Variants in FAM162B observed in about 807,000 individuals in gnomAD.
The protein encoded by FAM162B is family with sequence similarity 162 member B.
Under a neutral mutation model 20.0 loss-of-function variants are expected in FAM162B, and 16 were observed. That is an observed-to-expected ratio of 0.80 (90% confidence interval 0.54 to 1.21). The LOEUF (loss-of-function observed/expected upper bound fraction) is 1.21. FAM162B is among the 50% of genes most tolerant of loss of function. The probability of loss-of-function intolerance (pLI) is 0.00; values close to 1 mark genes in which losing one functional copy is unlikely to be tolerated. For synonymous variants in FAM162B, 83 were observed against 89.7 expected (o/e 0.93, Z 0.42); for missense variants, 260 against 227.5 (o/e 1.14, Z -0.92).
At chr6:116,755,721 A>G (rs1780044090) in intron 3 of FAM162B, among the ~76,000 whole-genome samples, 1 of 152,160 alleles carries the variant, frequency 6.6e-6, no homozygotes, top group Non-Finnish European at 1.5e-5. Flanking sequence ...GTTAGGAGCT[A>G]TTGGCAGCTG....
chr6:116,761,442 T>C (rs1317610880), intron 3 of FAM162B, among the ~76,000 whole-genome samples: 1 of 151,964 alleles, frequency 6.6e-6, no homozygotes, highest in Non-Finnish European at 1.5e-5. Flanking sequence ...TAATGAATGA[T>C]CTAGTCTGGA....
intron 3 of FAM162B, among the ~76,000 whole-genome samples, chr6:116,758,768 T>C (rs1206319717): frequency 6.6e-6 from 1 of 152,168 alleles, no homozygotes; most frequent in Non-Finnish European, 1.5e-5. Context: ...AATGTCCCAA[T>C]ATCATTTCTT....
rs1330885206 is a variant in FAM162B at position 116,752,521 on chromosome 6, T to C, written c.*76A>G. 1 of 650,714 alleles carries C rather than the reference T, an allele frequency of 1.5e-6. No individual in the cohort carries two copies. The highest frequency in any genetic ancestry group is 1.9e-5 in the African/African-American group (1 of 52,462). The allele number at this position is 650,714 out of a possible 1,614,324, so 40.3% of individuals were successfully genotyped here. ...AAACCATGGCAGATATTTTGGTAAATATTCTATTTTTCCCATCTTCTACTG... is the reference window on the plus strand; with the variant it reads ...AAACCATGGCAGATATTTTGGTAAACATTCTATTTTTCCCATCTTCTACTG... On this transcript the variant is annotated 3_prime_UTR_variant, in exon 4 of 4. Coordinates refer to ENST00000368557, the MANE Select transcript of FAM162B (RefSeq NM_001085480.3).
chr6:116,759,684 T>G (rs1018832323), intron 3 of FAM162B, among the ~76,000 whole-genome samples: 1 of 152,200 alleles, frequency 6.6e-6, no homozygotes, highest in African/African-American at 2.4e-5. Flanking sequence ...TGCTTAAAAC[T>G]CTACACTGGA....
chr6:116,761,116 G>A (rs1780135665), intron 3 of FAM162B, among the ~76,000 whole-genome samples: 1 of 152,172 alleles, frequency 6.6e-6, no homozygotes, highest in Admixed American at 6.5e-5. Context: ...GAAGGAAGTT[G>A]TTAGAGTGGT....
chr6:116,763,254 T>C (rs1771833892), intron 2 of FAM162B, among the ~76,000 whole-genome samples: 1 of 152,158 alleles, frequency 6.6e-6, no homozygotes, highest in Admixed American at 6.5e-5. Flanking sequence ...CCATTTGGCT[T>C]TAATCTATTA....
chr6:116,759,098 A>G (rs999153807), intron 3 of FAM162B, among the ~76,000 whole-genome samples: 1 of 152,126 alleles, frequency 6.6e-6, no homozygotes, highest in African/African-American at 2.4e-5. Flanking sequence ...ATAGACTTAG[A>G]GAAGTTCGCT....
Position 116,752,954 on chromosome 6 carries a change from A to G in FAM162B, c.391-259T>C, listed in dbSNP as rs188005081. On this transcript the variant is annotated intron_variant, in intron 3 of 3. Coordinates refer to ENST00000368557, the MANE Select transcript of FAM162B (RefSeq NM_001085480.3). Reference sequence around the variant, plus strand: ...GACTTTTTCAGAAGTGAGGAAAGCTATAAGTCCTCAAACTGAGAGACATAC... The same window carrying G: ...GACTTTTTCAGAAGTGAGGAAAGCTGTAAGTCCTCAAACTGAGAGACATAC... Among the ~76,000 whole-genome samples the G allele has an allele frequency of 8.5e-5, 13 of 152,100 alleles. No homozygotes were observed. In the East Asian group the frequency reaches 1.9e-3, roughly 23 times the overall value.
chr6:116,765,479 G>T lies in FAM162B; in HGVS notation c.98C>A (p.Pro33Gln). The T allele has an allele frequency of 7.1e-7, 1 of 1,412,960 alleles. No homozygotes were observed. 87.5% of individuals were successfully genotyped at this position (1,412,960 alleles called of 1,614,324 possible). A position where few individuals can be genotyped will look rare whatever the true frequency, so the allele number is the denominator to read the frequency against. Residue 33 changes from proline to glutamine, a missense_variant, in exon 1 of 4, where the codon CCG (proline) becomes CAG (glutamine). Coordinates refer to ENST00000368557, the MANE Select transcript of FAM162B (RefSeq NM_001085480.3). ...GGGGAGACCCCGGGGCGGAAGAGCC[G>T]GTGCGGGCCGTCGCGTGGCCTCGAG... ...APLEATRRPAPALPPRGLPCY... is the reference protein window; with the variant it reads ...APLEATRRPAQALPPRGLPCY...
chr6:116,759,045 A>G (rs1232658120), intron 3 of FAM162B, among the ~76,000 whole-genome samples: 2 of 152,072 alleles, frequency 1.3e-5, no homozygotes, highest in South Asian at 4.1e-4. Context: ...TCTACTTCCA[A>G]AACAAATCCT....
intron 3 of FAM162B, among the ~76,000 whole-genome samples, chr6:116,759,038 A>G (rs931891099): frequency 6.6e-6 from 1 of 152,082 alleles, no homozygotes; most frequent in African/African-American, 2.4e-5. Flanking sequence ...TAGTTTGTCT[A>G]CTTCCAAAAC....
chr6:116,758,714 C>T (rs1780081826), intron 3 of FAM162B, among the ~76,000 whole-genome samples: 1 of 152,086 alleles, frequency 6.6e-6, no homozygotes, highest in Non-Finnish European at 1.5e-5. Context: ...ATGTGAAAAT[C>T]TTATATCCAA....
At chr6:116,752,789 T>C (rs1314740591) in intron 3 of FAM162B, 94 bp from the exon 4 acceptor site, 4 of 343,736 alleles carry the variant, frequency 1.2e-5, no homozygotes, top group Admixed American at 1.1e-4. Flanking sequence ...ACTGTGACTC[T>C]CTGGAAACTG....
intron 3 of FAM162B, 28 bp from the exon 4 acceptor site, chr6:116,752,723 T>G (rs1352188021): frequency 1.4e-5 from 9 of 635,086 alleles, no homozygotes; most frequent in South Asian, 1.0e-4. Flanking sequence ...TATATATATA[T>G]ATATATATAT....
Position 116,765,615 on chromosome 6 carries a change from C to G in FAM162B, c.-39G>C, listed in dbSNP as rs1027405664. The G allele has an allele frequency of 1.6e-6, 2 of 1,287,732 alleles. No individual in the cohort carries two copies. The highest frequency in any genetic ancestry group is 4.0e-5 in the Admixed American group (1 of 25,000). 79.8% of individuals were successfully genotyped at this position (1,287,732 alleles called of 1,614,324 possible). On this transcript the variant is annotated 5_prime_UTR_variant, in exon 1 of 4. Transcript: ENST00000368557. ...CCCGCGCCGCACCCGCACCTCCGGA[C>G]CCAGCCACAGGCGTTGTCCCCGCAG...
At chr6:116,760,098 A>G (rs954351628) in intron 3 of FAM162B, among the ~76,000 whole-genome samples, 1 of 152,186 alleles carries the variant, frequency 6.6e-6, no homozygotes, top group African/African-American at 2.4e-5. Flanking sequence ...TAATTCCATG[A>G]TATTCTAATA....
At chr6:116,763,393 C>T (rs1250837524) in intron 2 of FAM162B, among the ~76,000 whole-genome samples, 1 of 152,102 alleles carries the variant, frequency 6.6e-6, no homozygotes, top group Non-Finnish European at 1.5e-5. Flanking sequence ...AAGCTGTTTA[C>T]ATTGTAAGTG....
intron 3 of FAM162B, among the ~76,000 whole-genome samples, chr6:116,760,407 T>C (rs1049455158): frequency 1.3e-5 from 2 of 152,234 alleles, no homozygotes; most frequent in African/African-American, 2.4e-5. Context: ...AGTAGATCTC[T>C]AATATGCCAA....
Position 116,765,528 on chromosome 6 carries a change from C to G in FAM162B, c.49G>C (p.Val17Leu), listed in dbSNP as rs919904454. The change falls in exon 1 of 4, where the codon GTC (valine) becomes CTC (leucine). Residue 17 changes from valine (V) to leucine (L), a missense_variant. By Grantham distance (32) the Val-to-Leu change is conservative. Transcript: ENST00000368557. ...AGAGGCGCCCCGGGGCCGCAGCGGA[C>G]TGTTAGCCCGCGGCCAAGGCGCAGT... is the stretch of plus-strand genomic sequence containing the variant. ...SLLRLGRGLT[V>L]RCGPGAPLEA... 9 of 1,393,004 alleles carry G rather than the reference C, an allele frequency of 6.5e-6. No homozygotes were observed. The African/African-American group carries it at 1.4e-4, about 21-fold the overall frequency. 86.3% of individuals were successfully genotyped at this position (1,393,004 alleles called of 1,614,324 possible).
Sources: gnomAD v4.1 joint callset for allele counts (sites outside exome capture counted in the v4.1 genomes callset) on GRCh38, gnomAD v4.1.1 for gene constraint, MANE v1.5 for transcripts, NCBI Gene and HGNC (gene_info 2026-07-23, HGNC 2026-07-21) for gene names.